Variants in SORCS1 observed in about 807,000 individuals in gnomAD.
The protein encoded by SORCS1 is VPS10 domain-containing receptor SorCS1.
Under a neutral mutation model 146.1 loss-of-function variants are expected in SORCS1, and 60 were observed. That is an observed-to-expected ratio of 0.41 (90% CI 0.33 to 0.51). The LOEUF is 0.51. Among genes scored for constraint, SORCS1 ranks in the 20% least tolerant of loss-of-function variants. The pLI is 0.21. For missense variants in SORCS1, 1,352 were observed against 1,487.6 expected (o/e 0.91, Z 1.50); for synonymous variants, 637 against 584.0 (o/e 1.09, Z -1.31).
intron 1 of SORCS1, among the ~76,000 whole-genome samples, chr10:107,163,435 A>C (rs1346291934): frequency 6.6e-6 from 1 of 152,210 alleles, no homozygotes; most frequent in Admixed American, 6.5e-5. Context: ...GGATACACTA[A>C]AGAACACCTT....
At chr10:106,641,043 G>A (rs1448889577) in intron 18 of SORCS1, among the ~76,000 whole-genome samples, 6 of 152,190 alleles carry the variant, frequency 3.9e-5, no homozygotes, top group African/African-American at 1.2e-4. Context: ...ATGGAAGTAC[G>A]ACTGCTCCTT....
chr10:106,901,118 C>G lies in SORCS1; in HGVS notation c.626+55395G>C, dbSNP rs534502566. On this transcript the variant is annotated intron_variant, in intron 2 of 25. Coordinates refer to ENST00000263054, the MANE Select transcript of SORCS1 (RefSeq NM_052918.5). The stretch of plus-strand genomic sequence containing the variant: ...CACCTAAAATAGCTGAGCCTGGCAA[C>G]TCAGTAGAGTGGTAAACTAAACTTT... Among the ~76,000 whole-genome samples the G allele has an allele frequency of 1.6e-4, 24 of 152,248 alleles. No individual in the cohort carries two copies. In the East Asian group the frequency reaches 3.7e-3, roughly 23 times the overall value.
At chr10:106,993,184 G>C (rs947559739) in intron 1 of SORCS1, among the ~76,000 whole-genome samples, 2 of 151,546 alleles carry the variant, frequency 1.3e-5, no homozygotes, top group East Asian at 1.9e-4. Context: ...ACTGTATCTC[G>C]AGTCAACATT....
chr10:106,620,660 C>T, intron 19 of SORCS1, 99 bp from the exon 20 acceptor site: 2 of 1,415,800 alleles, frequency 1.4e-6, no homozygotes, highest in Non-Finnish European at 1.9e-6. Context: ...TTGAAGCCCC[C>T]AAAACCTGGC....
chr10:107,091,496 G>A (rs138851585), intron 1 of SORCS1, among the ~76,000 whole-genome samples: 11 of 152,250 alleles, frequency 7.2e-5, no homozygotes, highest in African/African-American at 2.6e-4. Context: ...CCAAACTTGT[G>A]CCTCTGGCCT....
chr10:106,904,084 T>C (rs1044520040), intron 2 of SORCS1, among the ~76,000 whole-genome samples: 1 of 152,222 alleles, frequency 6.6e-6, no homozygotes, highest in Admixed American at 6.5e-5. Flanking sequence ...TTTATGAAGT[T>C]GCTACTGAAA....
chr10:106,910,232 G>A (rs763192079), intron 2 of SORCS1, among the ~76,000 whole-genome samples: 4 of 151,876 alleles, frequency 2.6e-5, no homozygotes, highest in African/African-American at 4.8e-5. Context: ...TCCTACTGAT[G>A]TGAAATTTGG....
chr10:106,769,484 C>CAAAAAAAAAAA (rs61628916), intron 4 of SORCS1, among the ~76,000 whole-genome samples: 1 of 84,366 alleles, frequency 1.2e-5, no homozygotes, highest in Admixed American at 1.2e-4. Flanking sequence ...GACTCCGTCT[C>CAAAAAAAAAAA]AAAAAAAAAA....
At chr10:106,630,304 A>G (rs1848366793) in intron 18 of SORCS1, among the ~76,000 whole-genome samples, 1 of 152,196 alleles carries the variant, frequency 6.6e-6, no homozygotes, top group African/African-American at 2.4e-5. Context: ...AGCTATCAAA[A>G]TGATCTCATG....
intron 1 of SORCS1, among the ~76,000 whole-genome samples, chr10:106,984,580 A>G (rs989938632): frequency 5.3e-5 from 8 of 151,620 alleles, no homozygotes; most frequent in Non-Finnish European, 1.2e-4. Context: ...TTTTTAGTAG[A>G]GATGGGGTTT....
intron 1 of SORCS1, among the ~76,000 whole-genome samples, chr10:107,052,675 C>A (rs2134059615): frequency 6.6e-6 from 1 of 152,286 alleles, no homozygotes; most frequent in African/African-American, 2.4e-5. Flanking sequence ...CTTAAATCTG[C>A]TTCTGGACTC....
At position 107,150,998 on chromosome 10, in the gene SORCS1, TG is replaced by T. The variant is rs199667836; in HGVS notation, c.558+12970del. On this transcript the variant is annotated intron_variant, in intron 1 of 25. Coordinates refer to ENST00000263054, the MANE Select transcript of SORCS1 (RefSeq NM_052918.5). ...AACACAGTAAATTAGTACTGAGTAG[TG>T]GGGCACTGCTGTAAAGATACCCAAA... Among the ~76,000 whole-genome samples, 1,440 of 152,248 alleles carry T rather than the reference TG, an allele frequency of 9.5e-3. 13 individuals are homozygous for T. The highest frequency in any genetic ancestry group is 0.037 in the Middle Eastern group (11 of 294).
chr10:106,948,736 G>C (rs1408483421), intron 2 of SORCS1, among the ~76,000 whole-genome samples: 2 of 151,932 alleles, frequency 1.3e-5, no homozygotes, highest in African/African-American at 4.8e-5. Flanking sequence ...GAGACAGGCA[G>C]ATCACAAGGT....
chr10:106,839,636 T>A (rs773241450), intron 2 of SORCS1, among the ~76,000 whole-genome samples: 2 of 152,178 alleles, frequency 1.3e-5, no homozygotes, highest in African/African-American at 4.8e-5. Flanking sequence ...ATGTTCAATG[T>A]AGAGGAAACA....
At chr10:106,791,446 C>T (rs1384000938) in intron 3 of SORCS1, among the ~76,000 whole-genome samples, 1 of 152,092 alleles carries the variant, frequency 6.6e-6, no homozygotes, top group Non-Finnish European at 1.5e-5. Context: ...ACCTGTCATC[C>T]CACCACTTTG....
At chr10:106,666,049 C>T (rs1209014407) in intron 17 of SORCS1, among the ~76,000 whole-genome samples, 5 of 152,168 alleles carry the variant, frequency 3.3e-5, no homozygotes, top group Non-Finnish European at 7.3e-5. Flanking sequence ...ACCATGTTAG[C>T]CAGGATGGTC....
At chr10:106,996,241 A>AC (rs1956995887) in intron 1 of SORCS1, among the ~76,000 whole-genome samples, 2 of 57,384 alleles carry the variant, frequency 3.5e-5, no homozygotes, top group Middle Eastern at 0.011. Flanking sequence ...AAAAAAAAAA[A>AC]AAAAAAAATA....
At chr10:107,072,767 C>G (rs947637344) in intron 1 of SORCS1, among the ~76,000 whole-genome samples, 1 of 148,722 alleles carries the variant, frequency 6.7e-6, no homozygotes, top group African/African-American at 2.5e-5. Flanking sequence ...AAAGAACCAC[C>G]GAGATAACAA....
At chr10:107,107,745 G>C (rs538236354) in intron 1 of SORCS1, among the ~76,000 whole-genome samples, 5 of 152,356 alleles carry the variant, frequency 3.3e-5, no homozygotes, top group Admixed American at 3.3e-4. Context: ...CTCATGCCCA[G>C]ATGGCAGACT....
Sources: allele counts gnomAD v4.1 joint callset (sites outside exome capture counted in the v4.1 genomes callset), GRCh38; gene constraint gnomAD v4.1.1; transcripts MANE v1.5; gene names NCBI Gene and HGNC (gene_info 2026-07-23, HGNC 2026-07-21).